Variants in DCC observed in about 807,000 individuals in gnomAD.
DCC encodes netrin receptor DCC.
DCC carries 58 observed loss-of-function variants against 172.5 expected under a neutral mutation model. The ratio of observed to expected loss-of-function variants is 0.34; its 90% CI spans 0.27 to 0.42. The LOEUF (loss-of-function observed/expected upper bound fraction) is 0.42. Among genes scored for constraint, DCC ranks in the 10% least tolerant of loss-of-function variants. DCC has a pLI of 1.00. For missense variants in DCC, 1,740 were observed against 1,791.0 expected, an observed-to-expected ratio of 0.97 and a Z score of 0.51; for synonymous variants, 709 against 644.5, an observed-to-expected ratio of 1.10 and a Z score of -1.52.
At chr18:53,311,716 G>A (rs1035848278) in intron 13 of DCC, among the ~76,000 whole-genome samples, 28 of 152,222 alleles carry the variant, frequency 1.8e-4, no homozygotes, top group African/African-American at 6.3e-4. Flanking sequence ...AAAGCTATAT[G>A]TGTGTTTTCC....
chr18:53,096,727 T>G (rs537855412), intron 7 of DCC, among the ~76,000 whole-genome samples: 4 of 152,150 alleles, frequency 2.6e-5, no homozygotes, highest in African/African-American at 9.6e-5. Context: ...AGAAGCAAAA[T>G]AGAAGGAAAA....
chr18:52,683,584 G>C (rs943752304), intron 1 of DCC, among the ~76,000 whole-genome samples: 3 of 152,090 alleles, frequency 2.0e-5, no homozygotes, highest in African/African-American at 7.2e-5. Flanking sequence ...CAAATGCTAA[G>C]TTTAGGTACA....
intron 2 of DCC, among the ~76,000 whole-genome samples, chr18:52,839,682 T>G (rs2038770996): frequency 6.6e-6 from 1 of 152,218 alleles, no homozygotes; most frequent in Non-Finnish European, 1.5e-5. Context: ...AGAGCAAAAT[T>G]TAACACATCT....
intron 11 of DCC, among the ~76,000 whole-genome samples, chr18:53,210,013 A>G (rs1381203411): frequency 6.6e-6 from 1 of 152,210 alleles, no homozygotes; most frequent in Non-Finnish European, 1.5e-5. Flanking sequence ...TGTGCAAAGG[A>G]CACCAAATTC....
In DCC at chr18:52,732,829, G is replaced by T. The variant is rs146880977; in HGVS notation, c.92-19225G>T. On this transcript the variant is annotated intron_variant, in intron 1 of 28. Coordinates refer to ENST00000442544, the MANE Select transcript of DCC (RefSeq NM_005215.4). ...AAATCATGTAATAGGTTAAAGTATT[G>T]GTTCATTTGTTCTTCCCTCTTCTGA... is the stretch of plus-strand genomic sequence containing the variant. 7.3e-3 allele frequency among the ~76,000 whole-genome samples: 1,111 copies of T among 151,886 alleles called. 11 individuals carry two copies. The highest frequency in any genetic ancestry group is 0.026 in the African/African-American group (1,068 of 41,422).
chr18:52,723,688 T>C (rs1049671265), intron 1 of DCC, among the ~76,000 whole-genome samples: 3 of 152,168 alleles, frequency 2.0e-5, no homozygotes, highest in Non-Finnish European at 2.9e-5. Context: ...GGAGTCAGGC[T>C]CATAAGGGCT....
At chr18:52,633,410 G>A (rs1433312084) in intron 1 of DCC, among the ~76,000 whole-genome samples, 1 of 152,126 alleles carries the variant, frequency 6.6e-6, no homozygotes, top group African/African-American at 2.4e-5. Flanking sequence ...TGCCATTGTT[G>A]GCAGATCCTG....
At chr18:52,791,869 C>G (rs529200580) in intron 2 of DCC, among the ~76,000 whole-genome samples, 1 of 152,062 alleles carries the variant, frequency 6.6e-6, no homozygotes. Flanking sequence ...TAAATGGAAG[C>G]AGAATACGTG....
intron 17 of DCC, among the ~76,000 whole-genome samples, chr18:53,395,771 G>T (rs4939730): frequency 0.67 from 101,363 of 151,982 alleles, 36,868 homozygotes; most frequent in Non-Finnish European, 0.82. Flanking sequence ...GCCTCCCAAG[G>T]AGCTTGGACT....
intron 2 of DCC, among the ~76,000 whole-genome samples, chr18:52,845,120 GA>G (rs900093227): frequency 2.7e-5 from 4 of 150,820 alleles, no homozygotes; most frequent in African/African-American, 1.0e-4. Flanking sequence ...CTTGGGAAAA[GA>G]CAGACAGAGA....
intron 1 of DCC, among the ~76,000 whole-genome samples, chr18:52,531,996 T>A (rs2032164328): frequency 6.6e-6 from 1 of 152,180 alleles, no homozygotes; most frequent in Non-Finnish European, 1.5e-5. Context: ...CATAACCACC[T>A]CCTCTCTTTC....
At chr18:52,442,367 A>G (rs1267516685) in intron 1 of DCC, among the ~76,000 whole-genome samples, 1 of 152,208 alleles carries the variant, frequency 6.6e-6, no homozygotes, top group African/African-American at 2.4e-5. Flanking sequence ...TTAAATGAAG[A>G]CCAATGAAGA....
At chr18:53,459,008 C>T (rs1037391304) in intron 23 of DCC, among the ~76,000 whole-genome samples, 3 of 152,038 alleles carry the variant, frequency 2.0e-5, no homozygotes, top group Non-Finnish European at 4.4e-5. Flanking sequence ...GCCAGGAAGC[C>T]GAGGCCCTGG....
chr18:52,564,023 C>T (rs944705344), intron 1 of DCC, among the ~76,000 whole-genome samples: 9 of 152,120 alleles, frequency 5.9e-5, no homozygotes, highest in African/African-American at 2.2e-4. Context: ...AAGCATGTTG[C>T]TGGTTGTTAC....
At position 52,963,717 on chromosome 18, in the gene DCC, T is replaced by C. The variant is rs182917481; in HGVS notation, c.985+38347T>C. Among the ~76,000 whole-genome samples the C allele has an allele frequency of 1.1e-3, 160 of 152,272 alleles. 1 individual carries two copies. Among genetic ancestry groups the C allele is most frequent in the African/African-American group, 3.7e-3 (153 of 41,550 alleles). ...GGGTGAACACTTGGTGCAAAGAGAA[T>C]TCTAACACTTCCAGGAATGTTTTAA... On this transcript the variant is annotated intron_variant, in intron 5 of 28. Transcript: ENST00000442544.
chr18:53,312,969 G>A (rs2057295551), intron 13 of DCC, among the ~76,000 whole-genome samples: 1 of 138,346 alleles, frequency 7.2e-6, no homozygotes, highest in Non-Finnish European at 1.6e-5. Context: ...GAGGGAGTGG[G>A]GAGAGGAAGG....
At chr18:53,406,992 T>G (rs1909703724) in intron 19 of DCC, among the ~76,000 whole-genome samples, 1 of 152,180 alleles carries the variant, frequency 6.6e-6, no homozygotes, top group Non-Finnish European at 1.5e-5. Flanking sequence ...TATAAGGAAT[T>G]TGCTCAGATA....
chr18:52,674,580 T>A (rs2035615973), intron 1 of DCC, among the ~76,000 whole-genome samples: 1 of 152,096 alleles, frequency 6.6e-6, no homozygotes, highest in African/African-American at 2.4e-5. Flanking sequence ...ACATAAAATT[T>A]CCCATCACAA....
At chr18:53,002,340 A>G (rs1386293102) in intron 5 of DCC, among the ~76,000 whole-genome samples, 2 of 152,164 alleles carry the variant, frequency 1.3e-5, no homozygotes, top group Non-Finnish European at 2.9e-5. Context: ...AATACATACA[A>G]TACAGAAATT....
Sources: gnomAD v4.1 joint callset for allele counts (sites outside exome capture counted in the v4.1 genomes callset) on GRCh38, gnomAD v4.1.1 for gene constraint, MANE v1.5 for transcripts, NCBI Gene and HGNC (gene_info 2026-07-23, HGNC 2026-07-21) for gene names.